Variants in FAM83A observed in about 807,000 individuals in gnomAD.
FAM83A encodes the protein scaffolding CK1 anchoring protein A, also known as protein FAM83A.
A neutral mutation model predicts 24.4 loss-of-function variants in FAM83A; 21 were observed. That is an observed-to-expected ratio of 0.86 (90% CI 0.61 to 1.24). The LOEUF (loss-of-function observed/expected upper bound fraction) is 1.24, where lower values mean the gene tolerates loss of function less well. Ranked by LOEUF, FAM83A falls within the 50% of genes most tolerant of loss-of-function variation. The probability of loss-of-function intolerance (pLI) is 0.00; values close to 1 mark genes in which losing one functional copy is unlikely to be tolerated. For synonymous variants in FAM83A, 270 were observed against 252.4 expected, an observed-to-expected ratio of 1.07 and a Z score of -0.66; for missense variants, 617 against 579.8, an observed-to-expected ratio of 1.06 and a Z score of -0.66.
At chr8:123,194,084 G>C (rs7813708) in exon 3 of FAM83A, 1 of 1,614,046 alleles carries the variant, frequency 6.2e-7, no homozygotes, top group Non-Finnish European at 8.5e-7. Context: ...CAGGAAATTC[G>C]CTGGCCAAAT....
At chr8:123,194,647 C>T (rs561694946) in intron 3 of FAM83A, among the ~76,000 whole-genome samples, 1 of 152,126 alleles carries the variant, frequency 6.6e-6, no homozygotes, top group Non-Finnish European at 1.5e-5. Flanking sequence ...CCACGCCCAG[C>T]GAATTTTTGT....
chr8:123,192,507 AAAG>A (rs1288130717), intron 2 of FAM83A, among the ~76,000 whole-genome samples: 1 of 152,248 alleles, frequency 6.6e-6, no homozygotes, highest in Non-Finnish European at 1.5e-5. Flanking sequence ...GGCAAAGAGA[AAAG>A]AAACCCAGCG....
chr8:123,183,296 T>C, exon 1 of FAM83A: 1 of 1,612,926 alleles, frequency 6.2e-7, no homozygotes, highest in Non-Finnish European at 8.5e-7. Flanking sequence ...CACAACAACA[T>C]CAGAGACCTC....
intron 3 of FAM83A, among the ~76,000 whole-genome samples, chr8:123,206,571 CT>C (rs949253745): frequency 2.0e-5 from 3 of 152,188 alleles, no homozygotes; most frequent in African/African-American, 7.2e-5. Context: ...AGCGCAGACT[CT>C]GGGGGCCTGA....
At chr8:123,179,344 T>C (rs2131047026), upstream of FAM83A, 1 of 152,260 alleles carries the variant, frequency 6.6e-6, no homozygotes, top group South Asian at 2.1e-4. Context: ...GCCCCTTCCT[T>C]CTCTCTCTTT....
intron 1 of FAM83A, among the ~76,000 whole-genome samples, chr8:123,189,865 C>A (rs1468112900): frequency 1.3e-5 from 2 of 152,210 alleles, no homozygotes; most frequent in Non-Finnish European, 2.9e-5. Context: ...ATGTCCTCAA[C>A]CTTGGCAAAA....
chr8:123,182,338 T>C, upstream of FAM83A: 2 of 352,886 alleles, frequency 5.7e-6, no homozygotes, highest in South Asian at 4.1e-5. Context: ...GGATGGCATC[T>C]TTCCCCCCCA....
chr8:123,194,951 A>C (rs1824098850), intron 3 of FAM83A, among the ~76,000 whole-genome samples: 1 of 152,102 alleles, frequency 6.6e-6, no homozygotes, highest in Non-Finnish European at 1.5e-5. Flanking sequence ...TTATTCTAAC[A>C]ATGCTACCTT....
rs1025851371 is a variant in FAM83A, at chr8:123,209,851, G to A, written c.*2163G>A. ...GATGCGCTGCCTGCTGGGAGGTTAGGTCGGGGCTGCCCCGGCGAGTGGAGC... is the reference window on the plus strand; with the variant it reads ...GATGCGCTGCCTGCTGGGAGGTTAGATCGGGGCTGCCCCGGCGAGTGGAGC... On this transcript the variant is annotated 3_prime_UTR_variant, in exon 4 of 4. Coordinates refer to ENST00000690554, the Ensembl canonical transcript of FAM83A. The surrounding 1 kb of genome is among the most constrained non-coding windows in gnomAD (Gnocchi z 4.7). 1.6e-5 allele frequency: 6 copies of A among 377,808 alleles called. No homozygotes were observed. The highest frequency in any genetic ancestry group is 2.9e-5 in the Non-Finnish European group (6 of 204,272). 23.4% of individuals were successfully genotyped at this position (377,808 alleles called of 1,614,324 possible).
rs187063760 is a variant in FAM83A at position 123,205,624 on chromosome 8, T to C, written c.774-1533T>C. 1.3e-4 allele frequency among the ~76,000 whole-genome samples: 19 copies of C among 152,000 alleles called. 1 individual carries two copies. Among genetic ancestry groups the C allele is most frequent in the Non-Finnish European group, 2.2e-4 (15 of 67,994 alleles). ...CTGGGGGCTGGGGGCTGCGATCCTA[T>C]CTTTGACGGGCCCGTTTCTGCTTAG... On this transcript the variant is annotated intron_variant, in intron 3 of 3. Transcript: ENST00000690554.
intron 1 of FAM83A, among the ~76,000 whole-genome samples, chr8:123,183,788 C>T (rs185628521): frequency 0.011 from 1,630 of 151,646 alleles, 17 homozygotes; most frequent in Non-Finnish European, 0.015. Flanking sequence ...CTCCAACTCC[C>T]GGGTTCAAGC....
chr8:123,202,162 C>T (rs1055326855), intron 3 of FAM83A: 1 of 152,486 alleles, frequency 6.6e-6, no homozygotes, highest in Non-Finnish European at 1.5e-5. Context: ...CAGTACTCGC[C>T]ACTGCTCCTA....
intron 3 of FAM83A, among the ~76,000 whole-genome samples, chr8:123,196,627 A>G (rs750606178): frequency 3.3e-5 from 5 of 152,200 alleles, no homozygotes; most frequent in Admixed American, 6.5e-5. Flanking sequence ...TTGTGTGATA[A>G]TTCTCCTCTC....
intron 2 of FAM83A, among the ~76,000 whole-genome samples, chr8:123,193,665 A>G (rs1384635730): frequency 2.0e-5 from 3 of 152,196 alleles, no homozygotes; most frequent in Admixed American, 2.0e-4. Context: ...TAACAACAGA[A>G]ATTTATTCCT....
At chr8:123,187,076 G>C (rs1038918722) in intron 1 of FAM83A, among the ~76,000 whole-genome samples, 1 of 152,188 alleles carries the variant, frequency 6.6e-6, no homozygotes, top group Non-Finnish European at 1.5e-5. Context: ...CTCAAAGGCT[G>C]AGTAAGCGTT....
upstream of FAM83A, chr8:123,182,388 G>C (rs1823624540): frequency 2.8e-6 from 1 of 358,134 alleles, no homozygotes; most frequent in Non-Finnish European, 5.5e-6. Context: ...GGGAATCGAG[G>C]CACCCAGGAG....
intron 3 of FAM83A, among the ~76,000 whole-genome samples, chr8:123,206,692 G>A (rs997708028): frequency 2.6e-5 from 4 of 152,152 alleles, no homozygotes; most frequent in African/African-American, 9.7e-5. Context: ...TTATTCACCC[G>A]CAAACACATT....
At chr8:123,203,527 G>C (rs1399105667) in intron 3 of FAM83A, among the ~76,000 whole-genome samples, 2 of 146,716 alleles carry the variant, frequency 1.4e-5, no homozygotes, top group Non-Finnish European at 3.0e-5. Context: ...GGCAGAGGTT[G>C]CAGTGAGCTG....
chr8:123,187,141 G>A (rs1051131544), intron 1 of FAM83A, among the ~76,000 whole-genome samples: 8 of 152,166 alleles, frequency 5.3e-5, no homozygotes, highest in Non-Finnish European at 7.3e-5. Flanking sequence ...GGTCACATGC[G>A]AAAGTCAGGA....
Sources: allele counts gnomAD v4.1 joint callset (sites outside exome capture counted in the v4.1 genomes callset), GRCh38; gene constraint gnomAD v4.1.1; non-coding constraint Gnocchi (gnomAD v3.1); transcripts MANE v1.5; gene names NCBI Gene and HGNC (gene_info 2026-07-23, HGNC 2026-07-21).